Variants in CCDC33 observed in about 807,000 individuals in gnomAD.
CCDC33 encodes the protein coiled-coil domain containing 33.
A neutral mutation model predicts 91.9 loss-of-function variants in CCDC33; 94 were observed. The ratio of observed to expected loss-of-function variants is 1.02; its 90% CI spans 0.87 to 1.21. The LOEUF (loss-of-function observed/expected upper bound fraction) is 1.21, where lower values mean the gene tolerates loss of function less well. CCDC33 is among the 50% of genes most tolerant of loss of function. The pLI, the probability that CCDC33 is intolerant of heterozygous loss-of-function variation, is 0.00. For synonymous variants in CCDC33, 396 were observed against 374.5 expected, an observed-to-expected ratio of 1.06 and a Z score of -0.66; for missense variants, 940 against 935.5, an observed-to-expected ratio of 1.00 and a Z score of -0.06.
At chr15:74,320,413 CT>C (rs2060182368) in intron 11 of CCDC33, among the ~76,000 whole-genome samples, 2 of 152,124 alleles carry the variant, frequency 1.3e-5, no homozygotes, top group African/African-American at 2.4e-5. Flanking sequence ...AACCCTACCC[CT>C]GGCCTTGACT....
intron 11 of CCDC33, 23 bp from the exon 12 acceptor site, chr15:74,330,166 G>C: frequency 6.3e-7 from 1 of 1,580,072 alleles, no homozygotes; most frequent in African/African-American, 1.3e-5. Flanking sequence ...AGTGGGCTCA[G>C]CTCTGGGCTC....
intron 2 of CCDC33, among the ~76,000 whole-genome samples, chr15:74,229,907 G>C (rs749813805): frequency 4.6e-5 from 7 of 152,272 alleles, no homozygotes; most frequent in Non-Finnish European, 1.0e-4. Flanking sequence ...CCAGGGCAGG[G>C]GAGGCCCATG....
At chr15:74,263,847 T>C (rs1239003568) in intron 3 of CCDC33, among the ~76,000 whole-genome samples, 1 of 152,162 alleles carries the variant, frequency 6.6e-6, no homozygotes, top group African/African-American at 2.4e-5. Flanking sequence ...TGAATCTGGA[T>C]GGTGGTGTAT....
At chr15:74,216,081 T>C (rs1406871298), upstream of CCDC33, among the ~76,000 whole-genome samples, 1 of 152,132 alleles carries the variant, frequency 6.6e-6, no homozygotes, top group Admixed American at 6.5e-5. Flanking sequence ...GACTCCTATC[T>C]TGTAACATTT....
At chr15:74,319,895 C>T (rs1406275838) in intron 11 of CCDC33, among the ~76,000 whole-genome samples, 3 of 152,186 alleles carry the variant, frequency 2.0e-5, no homozygotes, top group African/African-American at 7.2e-5. Flanking sequence ...GCTTTCTAGG[C>T]ATCATCTCTG....
chr15:74,293,360 G>A (rs1192759905), intron 10 of CCDC33, among the ~76,000 whole-genome samples: 2 of 152,166 alleles, frequency 1.3e-5, no homozygotes, highest in African/African-American at 4.8e-5. Flanking sequence ...TGGGAAGGTG[G>A]TCTTTGCCCT....
At chr15:74,274,328 A>G (rs2076397170) in intron 7 of CCDC33, among the ~76,000 whole-genome samples, 1 of 151,950 alleles carries the variant, frequency 6.6e-6, no homozygotes, top group South Asian at 2.1e-4. Context: ...GTCTCTTCTC[A>G]TGATCTGCGC....
At chr15:74,252,091 C>T (rs1243536880) in intron 2 of CCDC33, among the ~76,000 whole-genome samples, 2 of 152,170 alleles carry the variant, frequency 1.3e-5, no homozygotes, top group Non-Finnish European at 2.9e-5. Flanking sequence ...AAGGAGGATG[C>T]AGGATCCAGG....
intron 1 of CCDC33, among the ~76,000 whole-genome samples, chr15:74,203,726 C>T (rs1460658541): frequency 2.0e-5 from 3 of 152,208 alleles, no homozygotes; most frequent in Non-Finnish European, 4.4e-5. Flanking sequence ...AACTAAATCC[C>T]CTCCAAAGTC....
intron 10 of CCDC33, among the ~76,000 whole-genome samples, chr15:74,285,787 G>A (rs993427065): frequency 2.0e-5 from 3 of 152,154 alleles, no homozygotes; most frequent in African/African-American, 7.2e-5. Flanking sequence ...AAAGTGATCT[G>A]CATTAAGATG....
At chr15:74,281,566 G>C (rs901130) in intron 9 of CCDC33, among the ~76,000 whole-genome samples, 78,374 of 152,202 alleles carry the variant, frequency 0.51, 24,926 homozygotes, top group Non-Finnish European at 0.71. Flanking sequence ...GATGAGCCTG[G>C]TAGTGCCAGA....
At chr15:74,231,014 A>G (rs1595897613) in intron 2 of CCDC33, among the ~76,000 whole-genome samples, 1 of 152,346 alleles carries the variant, frequency 6.6e-6, no homozygotes, top group Middle Eastern at 3.4e-3. Flanking sequence ...AGAGAGGGTC[A>G]GGACTATCAC....
intron 6 of CCDC33, 84 bp downstream of exon 6, chr15:74,271,878 C>A: frequency 1.6e-6 from 2 of 1,223,514 alleles, no homozygotes; most frequent in Non-Finnish European, 2.4e-6. Context: ...CTGCCATGGG[C>A]TGATTCCAGG....
rs143082464 is a variant in CCDC33, at chr15:74,297,928, G to C, written c.1290+1980G>C. On this transcript the variant is annotated intron_variant, in intron 11 of 18. Transcript: ENST00000398814. ...CCTTCCCCCAAGGATGCAGACCTCAGCCCCTGACTCACACCACCTCTAGAA... is the reference window on the plus strand; with the variant it reads ...CCTTCCCCCAAGGATGCAGACCTCACCCCCTGACTCACACCACCTCTAGAA... Among the ~76,000 whole-genome samples the C allele has an allele frequency of 1.6e-3, 241 of 152,260 alleles. 1 individual carries two copies. Among genetic ancestry groups the C allele is most frequent in the African/African-American group, 5.3e-3 (219 of 41,548 alleles).
intron 1 of CCDC33, among the ~76,000 whole-genome samples, chr15:74,205,116 A>G (rs1449486555): frequency 6.6e-6 from 1 of 152,114 alleles, no homozygotes; most frequent in Non-Finnish European, 1.5e-5. Flanking sequence ...GGGGGAAGAG[A>G]AGAGAGACGG....
intron 3 of CCDC33, among the ~76,000 whole-genome samples, chr15:74,265,469 A>C (rs1039477257): frequency 6.6e-6 from 1 of 152,148 alleles, no homozygotes; most frequent in Admixed American, 6.5e-5. Flanking sequence ...AAGATGCCTC[A>C]AGTGTCACCA....
chr15:74,263,291 C>T (rs987980257), intron 3 of CCDC33, among the ~76,000 whole-genome samples: 2 of 152,198 alleles, frequency 1.3e-5, no homozygotes, highest in African/African-American at 4.8e-5. Context: ...GGGGGCATCG[C>T]ATCTGGCACT....
In CCDC33 at chr15:74,247,371, TACAC is replaced by T. The variant is rs57645886; in HGVS notation, c.185+3246_185+3249del. On this transcript the variant is annotated intron_variant, in intron 2 of 18. Coordinates refer to ENST00000398814, the MANE Select transcript of CCDC33 (RefSeq NM_025055.5). The stretch of plus-strand genomic sequence containing the variant: ...AGAAAAAATGTCATATATATATATA[TACAC>T]ACACACACACACACACACACACGTC... Among the ~76,000 whole-genome samples, 545 of 148,666 alleles carry T rather than the reference TACAC, an allele frequency of 3.7e-3. 3 individuals are homozygous for T. Among genetic ancestry groups the T allele is most frequent in the South Asian group, 9.5e-3 (44 of 4,630 alleles).
chr15:74,269,483 C>T (rs2076257209), intron 5 of CCDC33, among the ~76,000 whole-genome samples: 1 of 152,176 alleles, frequency 6.6e-6, no homozygotes, highest in Non-Finnish European at 1.5e-5. Context: ...ATCAGACCTA[C>T]AGGCGCCCTC....
Sources: gnomAD v4.1 joint callset for allele counts (sites outside exome capture counted in the v4.1 genomes callset) on GRCh38, gnomAD v4.1.1 for gene constraint, MANE v1.5 for transcripts, NCBI Gene and HGNC (gene_info 2026-07-23, HGNC 2026-07-21) for gene names.